Variants in POP4 observed in about 807,000 individuals in gnomAD.
The protein encoded by POP4 is ribonuclease P protein subunit p29.
Under a neutral mutation model 29.9 loss-of-function variants are expected in POP4, and 31 were observed. The observed-to-expected ratio is 1.04, with a 90% CI of 0.78 to 1.40. POP4 has a LOEUF of 1.40. POP4 is among the 40% of genes most tolerant of loss of function. POP4 has a pLI of 0.00. For synonymous variants in POP4, 110 were observed against 108.2 expected (o/e 1.02, Z -0.10); for missense variants, 286 against 282.7 (o/e 1.01, Z -0.08).
intron 6 of POP4, among the ~76,000 whole-genome samples, chr19:29,614,857 A>C (rs1599488385): frequency 6.6e-6 from 1 of 152,102 alleles, no homozygotes; most frequent in Non-Finnish European, 1.5e-5. Context: ...TTATTTTCCT[A>C]CATATCCTTC....
intron 3 of POP4, chr19:29,610,838 C>G (rs1971060161): frequency 1.7e-6 from 1 of 583,468 alleles, no homozygotes; most frequent in East Asian, 2.9e-5. Context: ...TGGCCTCTCT[C>G]CTCACCTTCA....
chr19:29,615,511 T>C lies in POP4; in HGVS notation c.*131T>C, dbSNP rs1198602104. On this transcript the variant is annotated 3_prime_UTR_variant, in exon 7 of 7. Coordinates refer to ENST00000585603, the MANE Select transcript of POP4 (RefSeq NM_006627.3). Reference sequence around the variant, plus strand: ...CACCTCCAGCCAGTGACGCTCCGAGTTGAGGATGTTGAACAACATGGGAAG... The same window carrying C: ...CACCTCCAGCCAGTGACGCTCCGAGCTGAGGATGTTGAACAACATGGGAAG... 6 of 952,484 alleles carry C rather than the reference T, an allele frequency of 6.3e-6. No homozygotes were observed. Among genetic ancestry groups the C allele is most frequent in the Non-Finnish European group, 9.1e-6 (6 of 657,466 alleles). 59.0% of individuals were successfully genotyped at this position (952,484 alleles called of 1,614,324 possible).
intron 4 of POP4, 33 bp downstream of exon 4, chr19:29,611,972 G>A: frequency 6.2e-7 from 1 of 1,605,954 alleles, no homozygotes. Flanking sequence ...TGCTCTTTGG[G>A]GTGGATCTCA....
intron 5 of POP4, 76 bp downstream of exon 5, chr19:29,612,254 T>C (rs757893126): frequency 1.2e-5 from 17 of 1,360,884 alleles, no homozygotes; most frequent in South Asian, 6.9e-5. Flanking sequence ...CCAGGGCGTG[T>C]GTTCTGTTGG....
Position 29,608,650 on chromosome 19 carries a change from C to T in POP4, c.8-7C>T. On this transcript the variant is annotated splice_region_variant and splice_polypyrimidine_tract_variant and intron_variant, in intron 1 of 6. Transcript: ENST00000585603. ...GAATTGATCATTTCTTTTTTTTAAT[C>T]CCCCAGGTGTGATCTACCATGCATT... 3.1e-6 allele frequency: 5 copies of T among 1,612,222 alleles called. No homozygotes were observed. The highest frequency in any genetic ancestry group is 2.2e-5 in the East Asian group (1 of 44,858).
At position 29,615,434 on chromosome 19, in the gene POP4, TA is replaced by T; in HGVS notation, c.*57del. The T allele has an allele frequency of 6.4e-7, 1 of 1,566,550 alleles. No homozygotes were observed. Among genetic ancestry groups the T allele is most frequent in the Non-Finnish European group, 8.7e-7 (1 of 1,145,666 alleles). ...TGACAGCTGAAAACTGGACACTCCC[TA>T]AATGTCCACCTTTCAGTGAAGAGAT... On this transcript the variant is annotated 3_prime_UTR_variant, in exon 7 of 7. Coordinates refer to ENST00000585603, the MANE Select transcript of POP4 (RefSeq NM_006627.3).
chr19:29,615,349 A>G lies in POP4; in HGVS notation c.632A>G (p.Lys211Arg). The G allele has an allele frequency of 6.2e-7, 1 of 1,613,924 alleles. No homozygotes were observed. The highest frequency in any genetic ancestry group is 8.5e-7 in the Non-Finnish European group (1 of 1,179,958). ...CGGTCAAGTGAACGGTCTGCGAAGA[A>G]GTTCAAAGCGAAGGGAACGATTGAC... ...QLRSSERSAK[K>R]FKAKGTIDL is the part of the protein sequence containing the mutation. Residue 211 changes from lysine (K) to arginine (R), a missense_variant, in exon 7 of 7, where the codon AAG (lysine) becomes AGG (arginine). Lys to Arg is a conservative substitution (Grantham distance 26). Coordinates refer to ENST00000585603, the MANE Select transcript of POP4 (RefSeq NM_006627.3).
Sources: gnomAD v4.1 joint callset for allele counts (sites outside exome capture counted in the v4.1 genomes callset) on GRCh38, gnomAD v4.1.1 for gene constraint, MANE v1.5 for transcripts, NCBI Gene and HGNC (gene_info 2026-07-23, HGNC 2026-07-21) for gene names.